Variants in RPA1 observed in about 807,000 individuals in gnomAD.
RPA1 encodes replication protein A1.
RPA1 carries 49 observed loss-of-function variants against 83.0 expected under a neutral mutation model. That is an observed-to-expected ratio of 0.59 (90% CI 0.47 to 0.75). The LOEUF is 0.75. Ranked by LOEUF, RPA1 falls within the 30% of genes least tolerant of loss-of-function variation. The pLI is 0.00. For synonymous variants in RPA1, 279 were observed against 281.8 expected (o/e 0.99, Z 0.10); for missense variants, 693 against 776.1 (o/e 0.89, Z 1.27).
chr17:1,895,659 G>GTATTATTTATTTATTTATTTATTTATT (rs149258342), intron 16 of RPA1, among the ~76,000 whole-genome samples: 7 of 141,812 alleles, frequency 4.9e-5, no homozygotes, highest in East Asian at 2.1e-4. Context: ...ATACCATATA[G>GTATTATTTATTTATTTATTTATTTATT]TATTTATTTA....
chr17:1,845,567 G>A (rs926470718), intron 4 of RPA1, among the ~76,000 whole-genome samples: 1 of 152,150 alleles, frequency 6.6e-6, no homozygotes, highest in Middle Eastern at 3.4e-3. Flanking sequence ...AGAATGTGTT[G>A]TACACGGACA....
At chr17:1,837,164 T>C (rs1287446539) in intron 1 of RPA1, among the ~76,000 whole-genome samples, 1 of 152,062 alleles carries the variant, frequency 6.6e-6, no homozygotes, top group Admixed American at 6.6e-5. Flanking sequence ...CGATGGAGTC[T>C]TGGTGTGTTG....
At chr17:1,891,014 G>C (rs1179338142) in intron 14 of RPA1, among the ~76,000 whole-genome samples, 1 of 152,130 alleles carries the variant, frequency 6.6e-6, no homozygotes, top group Non-Finnish European at 1.5e-5. Context: ...CTTTTAACTG[G>C]TTTCGTCACC....
intron 16 of RPA1, among the ~76,000 whole-genome samples, chr17:1,895,816 G>C (rs1285942618): frequency 1.3e-5 from 2 of 151,796 alleles, no homozygotes; most frequent in African/African-American, 4.8e-5. Flanking sequence ...TCGAGTAGCT[G>C]GGATTACAGG....
chr17:1,893,594 C>G (rs1005684264), intron 15 of RPA1, among the ~76,000 whole-genome samples: 1 of 152,004 alleles, frequency 6.6e-6, no homozygotes, highest in Non-Finnish European at 1.5e-5. Context: ...AGGTCTCAAT[C>G]AACTCTGTTA....
rs145754009 is a variant in RPA1 at position 1,898,020 on chromosome 17, C to T, written c.*845C>T. ...TGTTACATGGAAAGGATTTTGAAGC[C>T]TTTTGTTTCCCTTGCTTTGTTTTAA... On this transcript the variant is annotated 3_prime_UTR_variant, in exon 17 of 17. Coordinates refer to ENST00000254719, the MANE Select transcript of RPA1 (RefSeq NM_002945.5). The T allele has an allele frequency of 3.3e-4, 50 of 152,186 alleles. 1 individual carries two copies. Among genetic ancestry groups the T allele is most frequent in the African/African-American group, 1.2e-3 (48 of 41,504 alleles). 9.4% of individuals were successfully genotyped at this position (152,186 alleles called of 1,614,324 possible).
At chr17:1,880,376 TTGATGTGTCTC>T (rs145247103) in intron 11 of RPA1, among the ~76,000 whole-genome samples, 156 bp from the exon 12 acceptor site, 2 of 152,308 alleles carry the variant, frequency 1.3e-5, no homozygotes, top group Non-Finnish European at 2.9e-5. Flanking sequence ...AGTGATAGTT[TTGATGTGTCTC>T]TGAGTAGATT....
Position 1,842,636 on chromosome 17 carries a change from AT to A in RPA1, c.34-163del, listed in dbSNP as rs112686552. On this transcript the variant is annotated intron_variant, in intron 1 of 16. Transcript: ENST00000254719. ...GTAAAACACGTATCTCCCTCTTATC[AT>A]TTTATGATTTGTCCAGAGTGATAAA... Among the ~76,000 whole-genome samples the A allele has an allele frequency of 4.2e-3, 645 of 152,310 alleles. 3 individuals carry two copies. The highest frequency in any genetic ancestry group is 9.6e-3 in the African/African-American group (397 of 41,570).
chr17:1,893,027 A>G (rs201664201), intron 15 of RPA1, among the ~76,000 whole-genome samples: 1 of 152,100 alleles, frequency 6.6e-6, no homozygotes, highest in East Asian at 1.9e-4. Flanking sequence ...AGGCTTTGCC[A>G]TTTGTTCTGG....
At chr17:1,838,603 C>CA (rs60835355) in intron 1 of RPA1, among the ~76,000 whole-genome samples, 169 of 110,714 alleles carry the variant, frequency 1.5e-3, no homozygotes, top group South Asian at 4.3e-3. Context: ...AACTCAGTCT[C>CA]AAAAAAAAAA....
intron 5 of RPA1, among the ~76,000 whole-genome samples, chr17:1,867,149 A>C (rs544145801): frequency 1.3e-5 from 2 of 152,276 alleles, no homozygotes; most frequent in East Asian, 3.9e-4. Flanking sequence ...TTAAATTGAC[A>C]CATCACTTTT....
Position 1,884,237 on chromosome 17 carries a change from T to C in RPA1, c.1374+293T>C, listed in dbSNP as rs557237927. Among the ~76,000 whole-genome samples the C allele has an allele frequency of 7.0e-4, 106 of 152,288 alleles. No homozygotes were observed. Among genetic ancestry groups the C allele is most frequent in the African/African-American group, 2.5e-3 (103 of 41,560 alleles). ...GACAGTCAAGCTTTGTGGTATAATA[T>C]CACCTGCTTTCGGGTCCACGTTTCT... On this transcript the variant is annotated intron_variant, in intron 13 of 16. Transcript: ENST00000254719. This position sits in a 1 kb window ranked among gnomAD's most constrained non-coding sequence, Gnocchi z 4.1.
At chr17:1,838,786 A>T (rs1411746721) in intron 1 of RPA1, among the ~76,000 whole-genome samples, 2 of 152,172 alleles carry the variant, frequency 1.3e-5, no homozygotes, top group Non-Finnish European at 1.5e-5. Flanking sequence ...CAGTTGTTCC[A>T]GCCCTGTTTA....
chr17:1,856,197 C>T (rs1045291760), intron 5 of RPA1, among the ~76,000 whole-genome samples: 1 of 151,852 alleles, frequency 6.6e-6, no homozygotes, highest in Admixed American at 6.6e-5. Flanking sequence ...TGGTGGCGCT[C>T]CTGCACCTGT....
At chr17:1,833,482 G>A (rs1050395558) in intron 1 of RPA1, among the ~76,000 whole-genome samples, 7 of 152,216 alleles carry the variant, frequency 4.6e-5, no homozygotes, top group Admixed American at 2.6e-4. Flanking sequence ...ATGTGTGAAT[G>A]CTGAAACCGG....
chr17:1,896,966 G>A lies in RPA1; in HGVS notation c.1747-105G>A, dbSNP rs117465477. 300 of 889,434 alleles carry A rather than the reference G, an allele frequency of 3.4e-4. No individual in the cohort carries two copies. In the East Asian group the frequency reaches 6.6e-3, roughly 19 times the overall value. The allele number at this position is 889,434 out of a possible 1,614,324, so 55.1% of individuals were successfully genotyped here. Reference sequence around the variant, plus strand: ...GAATGACTGAACTCTGAACCCGTGCGTCTGTTCCCTCCCGCTGGGCTCACT... The same window carrying A: ...GAATGACTGAACTCTGAACCCGTGCATCTGTTCCCTCCCGCTGGGCTCACT... On this transcript the variant is annotated intron_variant, in intron 16 of 16. Transcript: ENST00000254719.
chr17:1,895,050 C>T lies in RPA1; in HGVS notation c.1701C>T (p.Phe567=). 3 of 1,613,680 alleles carry T rather than the reference C, an allele frequency of 1.9e-6. No individual in the cohort carries two copies. The highest frequency in any genetic ancestry group is 2.5e-6 in the Non-Finnish European group (3 of 1,179,800). The part of the protein sequence containing the change: ...AFEEVFQNAN[F]RSFIFRVRVK... The stretch of plus-strand genomic sequence containing the variant: ...AAGAAGTTTTCCAGAATGCCAACTT[C>T]CGATCTTTCATATTCAGAGTCAGGG... Residue 567 remains phenylalanine, a synonymous_variant, in exon 16 of 17, where the codon TTC becomes TTT. Coordinates refer to ENST00000254719, the MANE Select transcript of RPA1 (RefSeq NM_002945.5).
intron 15 of RPA1, among the ~76,000 whole-genome samples, chr17:1,894,386 T>C (rs1445830183): frequency 6.6e-6 from 1 of 152,110 alleles, no homozygotes; most frequent in Non-Finnish European, 1.5e-5. Flanking sequence ...AGGCTGGTCT[T>C]GAACTCCCAA....
At chr17:1,830,527 A>G (rs1441587214) in intron 1 of RPA1, 1 of 179,102 alleles carries the variant, frequency 5.6e-6, no homozygotes, top group African/African-American at 2.4e-5. Context: ...GCTGTAGAAA[A>G]CCCTGGCTGA....
Sources: allele counts gnomAD v4.1 joint callset (sites outside exome capture counted in the v4.1 genomes callset), GRCh38; gene constraint gnomAD v4.1.1; non-coding constraint Gnocchi (gnomAD v3.1); transcripts MANE v1.5; gene names NCBI Gene and HGNC (gene_info 2026-07-23, HGNC 2026-07-21).